SDK2: variants seen among roughly 807,000 people sequenced by gnomAD.
SDK2 encodes the protein protein sidekick-2.
SDK2 carries 105 observed loss-of-function variants against 253.9 expected under a neutral mutation model. The observed-to-expected ratio is 0.41, with a 90% CI of 0.35 to 0.49. SDK2 has a LOEUF of 0.49. Ranked by LOEUF, SDK2 falls within the 20% of genes least tolerant of loss-of-function variation. The probability of loss-of-function intolerance (pLI) is 0.06; values close to 1 mark genes in which losing one functional copy is unlikely to be tolerated. For synonymous variants in SDK2, 1,249 were observed against 1,234.9 expected (o/e 1.01, Z -0.24); for missense variants, 2,608 against 3,003.0 (o/e 0.87, Z 3.07).
At chr17:73,610,489 T>C (rs1161625311) in intron 1 of SDK2, among the ~76,000 whole-genome samples, 1 of 152,202 alleles carries the variant, frequency 6.6e-6, no homozygotes, top group African/African-American at 2.4e-5. Context: ...ACAGCATGCA[T>C]GACGCTTGGT....
chr17:73,353,272 C>T (rs1426109867), intron 40 of SDK2, among the ~76,000 whole-genome samples: 2 of 152,138 alleles, frequency 1.3e-5, no homozygotes, highest in African/African-American at 2.4e-5. Flanking sequence ...TTCTGTCTTC[C>T]ACTTCATTAA....
chr17:73,613,169 G>C lies in SDK2; in HGVS notation c.64+30856C>G, dbSNP rs190764986. On this transcript the variant is annotated intron_variant, in intron 1 of 44. Coordinates refer to ENST00000392650, the MANE Select transcript of SDK2 (RefSeq NM_001144952.2). ...TCTCCTGCAGCGCTAAGTGAGGCCC[G>C]GGTTAGAGACAGCAAGACTAGTTTT... is the stretch of plus-strand genomic sequence containing the variant. 2.2e-3 allele frequency among the ~76,000 whole-genome samples: 331 copies of C among 152,278 alleles called. 2 individuals are homozygous for C. The highest frequency in any genetic ancestry group is 7.8e-3 in the African/African-American group (324 of 41,538).
chr17:73,469,992 G>GCACACACACACACA (rs34448667), intron 3 of SDK2, among the ~76,000 whole-genome samples: 33 of 126,264 alleles, frequency 2.6e-4, no homozygotes, highest in Non-Finnish European at 4.1e-4. Flanking sequence ...GCGCGCGCGC[G>GCACACACACACACA]CACACACACA....
chr17:73,417,886 G>A (rs138517451), intron 16 of SDK2, among the ~76,000 whole-genome samples: 5 of 152,160 alleles, frequency 3.3e-5, no homozygotes, highest in South Asian at 2.1e-4. Flanking sequence ...TGAGAAACAC[G>A]ATGCATATAT....
chr17:73,364,037 G>C (rs1029828343), intron 38 of SDK2, among the ~76,000 whole-genome samples: 1 of 151,952 alleles, frequency 6.6e-6, no homozygotes, highest in Non-Finnish European at 1.5e-5. Context: ...TCTGCCCCTT[G>C]TTCTTGCCAG....
chr17:73,501,247 C>CACACACAA lies in SDK2; in HGVS notation c.224+6190_224+6191insTTGTGTGT, dbSNP rs550140558. On this transcript the variant is annotated intron_variant, in intron 2 of 44. Coordinates refer to ENST00000392650, the MANE Select transcript of SDK2 (RefSeq NM_001144952.2). ...ACACATACATGCATGTGCATGCACACACACACACACACATATTTTAGCAGA... is the reference window on the plus strand; with the variant it reads ...ACACATACATGCATGTGCATGCACACACACACAAACACACACACACATATTTTAGCAGA... Among the ~76,000 whole-genome samples, 1,369 of 151,874 alleles carry CACACACAA rather than the reference C, an allele frequency of 9.0e-3. 18 individuals are homozygous for CACACACAA. The highest frequency in any genetic ancestry group is 0.031 in the African/African-American group (1,288 of 41,346).
chr17:73,394,242 C>T lies in SDK2; in HGVS notation c.3675G>A (p.Glu1225=). 2 of 1,599,668 alleles carry T rather than the reference C, an allele frequency of 1.3e-6. No homozygotes were observed. The highest frequency in any genetic ancestry group is 8.5e-7 in the Non-Finnish European group (1 of 1,170,614). ...CCAGCACGAGCCCGTTGCGATCAGC[C>T]TCGGGGACCTCGCTCCAGCGCACCA... ...SMLVRWSEVP[E]ADRNGLVLGY... The change falls in exon 26 of 45, where the codon GAG becomes GAA. Residue 1225 remains glutamate (E), a synonymous_variant. Transcript: ENST00000392650.
In SDK2 at chr17:73,350,233, G is replaced by C. The variant is rs748106343; in HGVS notation, c.6038+4C>G. Reference sequence around the variant, plus strand: ...GCCCCCAACCCACGCAGAGGGCCCAGTACCTGGTGTACAGGCCGTTCTTTC... The same window carrying C: ...GCCCCCAACCCACGCAGAGGGCCCACTACCTGGTGTACAGGCCGTTCTTTC... On this transcript the variant is annotated splice_donor_region_variant and intron_variant, in intron 43 of 44. Coordinates refer to ENST00000392650, the MANE Select transcript of SDK2 (RefSeq NM_001144952.2). 1 of 662,422 alleles carries C rather than the reference G, an allele frequency of 1.5e-6. No individual in the cohort carries two copies. Among genetic ancestry groups the C allele is most frequent in the Admixed American group, 6.5e-5 (1 of 15,284 alleles). 41.0% of individuals were successfully genotyped at this position (662,422 alleles called of 1,614,324 possible).
chr17:73,425,962 AG>A (rs1401485192), intron 12 of SDK2, among the ~76,000 whole-genome samples: 1 of 152,202 alleles, frequency 6.6e-6, no homozygotes, highest in African/African-American at 2.4e-5. Flanking sequence ...AGTAACAGTT[AG>A]CCTTTGTTAC....
Position 73,334,641 on chromosome 17 carries a change from A to G in SDK2, c.*3946T>C, listed in dbSNP as rs2062364740. On this transcript the variant is annotated 3_prime_UTR_variant, in exon 45 of 45. Transcript: ENST00000392650. Reference sequence around the variant, plus strand: ...GTGTTGATTTTTGTTTCTGGAGTCTAGATGGATGGAGAAAGGTAACACGTT... The same window carrying G: ...GTGTTGATTTTTGTTTCTGGAGTCTGGATGGATGGAGAAAGGTAACACGTT... 6.6e-6 allele frequency: 1 copy of G among 152,234 alleles called. No homozygotes were observed. The highest frequency in any genetic ancestry group is 6.5e-5 in the Admixed American group (1 of 15,286). The allele number at this position is 152,234 out of a possible 1,614,324, so 9.4% of individuals were successfully genotyped here. A position where few individuals can be genotyped will look rare whatever the true frequency, so the allele number is the denominator to read the frequency against.
At chr17:73,634,026 C>G (rs1168706316) in intron 1 of SDK2, among the ~76,000 whole-genome samples, 4 of 152,178 alleles carry the variant, frequency 2.6e-5, no homozygotes, top group Non-Finnish European at 5.9e-5. Context: ...GAGGCCACAG[C>G]TGTGGGGAAG....
At chr17:73,559,038 T>G (rs560557515) in intron 1 of SDK2, among the ~76,000 whole-genome samples, 1 of 152,174 alleles carries the variant, frequency 6.6e-6, no homozygotes, top group South Asian at 2.1e-4. Context: ...AAACCACCCA[T>G]GGGAAGGAAA....
chr17:73,384,591 T>C (rs1304751005), intron 32 of SDK2, among the ~76,000 whole-genome samples: 2 of 152,228 alleles, frequency 1.3e-5, no homozygotes, highest in Non-Finnish European at 1.5e-5. Context: ...AAACTACTTC[T>C]TAATGATACT....
chr17:73,476,005 G>A (rs879465831), intron 2 of SDK2, among the ~76,000 whole-genome samples: 3 of 152,266 alleles, frequency 2.0e-5, no homozygotes, highest in South Asian at 2.1e-4. Context: ...CCAGCTATTC[G>A]GGAGGCTGAG....
intron 16 of SDK2, 124 bp from the exon 17 acceptor site, chr17:73,416,116 G>C: frequency 3.6e-6 from 3 of 839,604 alleles, no homozygotes; most frequent in Non-Finnish European, 5.5e-6. Context: ...CTCTGCACCT[G>C]TGCTGTCCGA....
chr17:73,358,301 C>T, intron 39 of SDK2, 97 bp from the exon 40 acceptor site: 1 of 1,447,908 alleles, frequency 6.9e-7, no homozygotes, highest in Non-Finnish European at 9.2e-7. Flanking sequence ...GTGACAAAAC[C>T]AACCCTGGAC....
Position 73,426,208 on chromosome 17 carries a change from C to CTTT in SDK2, c.1584-2119_1584-2117dup, listed in dbSNP as rs751417057. 3.4e-3 allele frequency among the ~76,000 whole-genome samples: 100 copies of CTTT among 29,164 alleles called. 8 individuals are homozygous for CTTT. The highest frequency in any genetic ancestry group is 0.012 in the East Asian group (10 of 838). 19.1% of individuals were successfully genotyped at this position (29,164 alleles called of 152,430 possible). Reference sequence around the variant, plus strand: ...TACAGGCCTGCACCACCATGCTGGGCTTTTTTTTTTTTTTTTTTTTTTTTT... The same window carrying CTTT: ...TACAGGCCTGCACCACCATGCTGGGCTTTTTTTTTTTTTTTTTTTTTTTTTTTT... On this transcript the variant is annotated intron_variant, in intron 12 of 44. Coordinates refer to ENST00000392650, the MANE Select transcript of SDK2 (RefSeq NM_001144952.2).
intron 33 of SDK2, among the ~76,000 whole-genome samples, chr17:73,382,183 C>G (rs138329333): frequency 1.3e-5 from 2 of 149,546 alleles, no homozygotes; most frequent in Non-Finnish European, 3.0e-5. Flanking sequence ...TGCCATTGCA[C>G]TCCAGCTTAG....
chr17:73,383,807 T>C lies in SDK2; in HGVS notation c.4705+69A>G. 1 of 1,592,314 alleles carries C rather than the reference T, an allele frequency of 6.3e-7. No homozygotes were observed. The highest frequency in any genetic ancestry group is 1.1e-5 in the South Asian group (1 of 89,496). On this transcript the variant is annotated intron_variant, in intron 33 of 44. Transcript: ENST00000392650. The surrounding 1 kb of genome is among the most constrained non-coding windows in gnomAD (Gnocchi z 4.3). ...AGAGTGGTTCCAGGAAGCTGAGAGC[T>C]CCAGAGCGGGAAGGTGAGGGTGACC... is the stretch of plus-strand genomic sequence containing the variant.
Sources: gnomAD v4.1 joint callset for allele counts (sites outside exome capture counted in the v4.1 genomes callset) on GRCh38, gnomAD v4.1.1 for gene constraint, Gnocchi (gnomAD v3.1) non-coding constraint, MANE v1.5 for transcripts, NCBI Gene and HGNC (gene_info 2026-07-23, HGNC 2026-07-21) for gene names.